PDE4D: variants seen among roughly 807,000 people sequenced by gnomAD.
PDE4D encodes the protein 3',5'-cyclic-AMP phosphodiesterase 4D.
PDE4D carries 24 observed loss-of-function variants against 87.4 expected under a neutral mutation model. That is an observed-to-expected ratio of 0.27 (90% CI 0.20 to 0.39). PDE4D has a LOEUF of 0.39. Among genes scored for constraint, PDE4D ranks in the 10% least tolerant of loss-of-function variants. PDE4D has a pLI of 1.00. For synonymous variants in PDE4D, 384 were observed against 383.2 expected, an observed-to-expected ratio of 1.00 and a Z score of -0.02; for missense variants, 714 against 1,041.0, an observed-to-expected ratio of 0.69 and a Z score of 4.32.
At chr5:59,144,600 T>G (rs1173172952) in intron 5 of PDE4D, among the ~76,000 whole-genome samples, 2 of 152,244 alleles carry the variant, frequency 1.3e-5, no homozygotes, top group Non-Finnish European at 2.9e-5. Flanking sequence ...AACAGGACTT[T>G]GTGTTTCTTA....
chr5:60,459,868 T>G, intron 1 of PDE4D: 1 of 631,558 alleles, frequency 1.6e-6, no homozygotes, highest in Non-Finnish European at 2.9e-6. Flanking sequence ...TCCTTCATCC[T>G]TCTCTCCTTC....
At chr5:60,361,566 C>T (rs1330963135) in intron 1 of PDE4D, among the ~76,000 whole-genome samples, 1 of 152,202 alleles carries the variant, frequency 6.6e-6, no homozygotes, top group Non-Finnish European at 1.5e-5. Context: ...TTTCTGCCCT[C>T]CCTTGTGGAT....
Position 58,990,909 on chromosome 5 carries a change from TG to T in PDE4D, c.1189-8del. The stretch of plus-strand genomic sequence containing the variant: ...TGTTCACATCTTCTAGTTCCTGGAG[TG>T]AAAAAAAAAAAAAGATACTAAAATA... On this transcript the variant is annotated splice_polypyrimidine_tract_variant and splice_region_variant and intron_variant, in intron 8 of 14. Transcript: ENST00000340635. The T allele has an allele frequency of 7.2e-7, 1 of 1,381,080 alleles. No homozygotes were observed. The highest frequency in any genetic ancestry group is 9.9e-7 in the Non-Finnish European group (1 of 1,013,770). 85.6% of individuals were successfully genotyped at this position (1,381,080 alleles called of 1,614,324 possible).
intron 1 of PDE4D, among the ~76,000 whole-genome samples, chr5:59,637,108 A>G (rs557015339): frequency 6.6e-6 from 1 of 152,388 alleles, no homozygotes; most frequent in African/African-American, 2.4e-5. Flanking sequence ...AATTCTCAAA[A>G]GAAGACATTT....
chr5:59,627,417 A>G (rs1377187547), intron 1 of PDE4D, among the ~76,000 whole-genome samples: 1 of 152,192 alleles, frequency 6.6e-6, no homozygotes, highest in African/African-American at 2.4e-5. Context: ...CCAAAACTGG[A>G]GCATATTCTA....
At chr5:60,223,284 A>C (rs1744704089) in intron 1 of PDE4D, among the ~76,000 whole-genome samples, 1 of 152,172 alleles carries the variant, frequency 6.6e-6, no homozygotes, top group African/African-American at 2.4e-5. Flanking sequence ...ATACCTAATT[A>C]ACAGTATAAA....
chr5:59,656,754 G>C (rs1172756708), intron 1 of PDE4D, among the ~76,000 whole-genome samples: 2 of 152,162 alleles, frequency 1.3e-5, no homozygotes, highest in African/African-American at 4.8e-5. Flanking sequence ...GTCTTGTATG[G>C]AATTGGGTGA....
At chr5:58,988,223 C>T (rs1264730225) in intron 11 of PDE4D, among the ~76,000 whole-genome samples, 1 of 152,004 alleles carries the variant, frequency 6.6e-6, no homozygotes, top group Admixed American at 6.6e-5. Flanking sequence ...TCTTTCTGCA[C>T]ACTTTCATTT....
chr5:60,460,176 C>T, intron 1 of PDE4D: 1 of 1,569,658 alleles, frequency 6.4e-7, no homozygotes, highest in Non-Finnish European at 8.7e-7. Context: ...TTGAACATTT[C>T]ATCAAATCCT....
chr5:59,506,470 A>G (rs1016763810), intron 1 of PDE4D, among the ~76,000 whole-genome samples: 8 of 152,186 alleles, frequency 5.3e-5, no homozygotes, highest in Admixed American at 2.6e-4. Context: ...TATAGTTTAA[A>G]TAGAAAACAG....
At chr5:58,999,430 G>A in intron 6 of PDE4D, 1 of 857,948 alleles carries the variant, frequency 1.2e-6, no homozygotes, top group Non-Finnish European at 1.9e-6. Flanking sequence ...TAGAGTCTAA[G>A]CTTTCTAAAT....
chr5:59,699,964 A>G (rs1413618424), intron 1 of PDE4D, among the ~76,000 whole-genome samples: 2 of 152,180 alleles, frequency 1.3e-5, no homozygotes, highest in Non-Finnish European at 2.9e-5. Flanking sequence ...TATTGATCAG[A>G]CAGCCTCAGG....
chr5:59,937,717 G>C (rs1005028303), intron 3 of PDE4D, among the ~76,000 whole-genome samples: 1 of 152,142 alleles, frequency 6.6e-6, no homozygotes, highest in Admixed American at 6.5e-5. Flanking sequence ...TCACACAGTT[G>C]CCTCAACATT....
intron 1 of PDE4D, among the ~76,000 whole-genome samples, chr5:59,622,468 C>A (rs1408158174): frequency 6.6e-6 from 1 of 152,150 alleles, no homozygotes; most frequent in Non-Finnish European, 1.5e-5. Context: ...TCATCTCCAT[C>A]CAAGTTCAGA....
intron 5 of PDE4D, among the ~76,000 whole-genome samples, chr5:59,098,544 A>T (rs1057166352): frequency 0.012 from 216 of 18,122 alleles, 1 homozygote; most frequent in African/African-American, 0.043. Flanking sequence ...CAAAAAATTA[A>T]AAAAAAAAAA....
chr5:60,066,760 A>C (rs2152892779), intron 2 of PDE4D, among the ~76,000 whole-genome samples: 1 of 152,164 alleles, frequency 6.6e-6, no homozygotes, highest in Middle Eastern at 3.4e-3. Context: ...TCTTTTAACT[A>C]ATCTCATTTG....
At chr5:59,072,521 G>A (rs1488669851) in intron 5 of PDE4D, among the ~76,000 whole-genome samples, 1 of 152,082 alleles carries the variant, frequency 6.6e-6, no homozygotes, top group South Asian at 2.1e-4. Context: ...GTCTAGGGAC[G>A]GTTTTACATT....
chr5:60,387,689 C>T lies in PDE4D; in HGVS notation c.-90+100253G>A, dbSNP rs938068235. Among the ~76,000 whole-genome samples, 4 of 152,214 alleles carry T rather than the reference C, an allele frequency of 2.6e-5. No homozygotes were observed. The East Asian group carries it at 5.8e-4, about 22-fold the overall frequency. On this transcript the variant is annotated intron_variant, in intron 1 of 16. Coordinates refer to the PDE4D transcript ENST00000502484. ...TGTGTCAGGAAAAGCTCTCTCAAAC[C>T]GTGTTTTTCCTCTACTCTCACGCCA... is the stretch of plus-strand genomic sequence containing the variant.
At chr5:59,183,179 A>C (rs1258805718) in intron 4 of PDE4D, among the ~76,000 whole-genome samples, 1 of 152,174 alleles carries the variant, frequency 6.6e-6, no homozygotes, top group Admixed American at 6.5e-5. Flanking sequence ...AAAGAAGCCG[A>C]TTTGGTTTGA....
Sources: gnomAD v4.1 joint callset for allele counts (sites outside exome capture counted in the v4.1 genomes callset) on GRCh38, gnomAD v4.1.1 for gene constraint, MANE v1.5 for transcripts, NCBI Gene and HGNC (gene_info 2026-07-23, HGNC 2026-07-21) for gene names.